The following NMRAL1 variants were observed in gnomAD, a reference collection of about 807,000 sequenced individuals.
NMRAL1 encodes NmrA like redox sensor 1.
Under a neutral mutation model 27.5 loss-of-function variants are expected in NMRAL1, and 32 were observed. The ratio of observed to expected loss-of-function variants is 1.16; its 90% CI spans 0.88 to 1.56. The LOEUF (loss-of-function observed/expected upper bound fraction) is 1.56, where lower values mean the gene tolerates loss of function less well. NMRAL1 is among the 40% of genes most tolerant of loss of function. NMRAL1 has a pLI of 0.00. For missense variants in NMRAL1, 420 were observed against 392.0 expected (o/e 1.07, Z -0.60); for synonymous variants, 166 against 166.8 (o/e 1.00, Z 0.04).
At chr16:4,464,212 G>T (rs2057227157) in intron 4 of NMRAL1, 1 of 298,800 alleles carries the variant, frequency 3.3e-6, no homozygotes, top group Non-Finnish European at 6.2e-6. Context: ...AGAGAGTGTG[G>T]CTGGAGCCCA....
At chr16:4,468,973 T>TAAAAA (rs34547583) in intron 3 of NMRAL1, among the ~76,000 whole-genome samples, 2 of 144,620 alleles carry the variant, frequency 1.4e-5, no homozygotes, top group African/African-American at 2.6e-5. Flanking sequence ...CATTTTTGAT[T>TAAAAA]AAAAAAAAAA....
rs1457284378 is a variant in NMRAL1, at chr16:4,466,389, G to A, written c.293C>T (p.Ala98Val). ...EQEVKQGKLL[A>V]DLARRLGLHY... is the part of the protein sequence containing the mutation. ...GAGGCCCAGGCGCCTGGCCAGATCA[G>A]CGAGCAGCTTCCCCTGGAGGGCAGG... The change falls in exon 4 of 6, where the codon GCT becomes GTT. Residue 98 changes from alanine (A) to valine (V), a missense_variant. Physicochemically the swap from Ala to Val is moderately conservative, Grantham distance 64. Coordinates refer to ENST00000283429, the MANE Select transcript of NMRAL1 (RefSeq NM_020677.6). 6.8e-6 allele frequency: 11 copies of A among 1,612,232 alleles called. No homozygotes were observed. The highest frequency in any genetic ancestry group is 9.3e-6 in the Non-Finnish European group (11 of 1,179,728).
At chr16:4,468,994 A>C (rs1334232525) in intron 3 of NMRAL1, among the ~76,000 whole-genome samples, 2 of 151,454 alleles carry the variant, frequency 1.3e-5, no homozygotes, top group Non-Finnish European at 1.5e-5. Flanking sequence ...AAAACAAACG[A>C]ACAGGCCAGG....
In NMRAL1 at chr16:4,463,684, G is replaced by C. The variant is rs1224677997; in HGVS notation, c.696C>G (p.Thr232=). 1 of 1,613,828 alleles carries C rather than the reference G, an allele frequency of 6.2e-7. No individual in the cohort carries two copies. The highest frequency in any genetic ancestry group is 8.5e-7 in the Non-Finnish European group (1 of 1,180,034). Residue 232 remains threonine, a synonymous_variant, in exon 5 of 6, where the codon ACC becomes ACG. Transcript: ENST00000283429. Reference sequence around the variant, plus strand: ...CCTTGGCATCGTGCACGACCTTGCGGGTGTGCTTGGTGAGCAGGGCAGCGT... The same window carrying C: ...CCTTGGCATCGTGCACGACCTTGCGCGTGTGCTTGGTGAGCAGGGCAGCGT... ...EEYAALLTKH[T]RKVVHDAKMT...
At chr16:4,467,732 G>A (rs964241616) in intron 3 of NMRAL1, among the ~76,000 whole-genome samples, 1 of 151,504 alleles carries the variant, frequency 6.6e-6, no homozygotes, top group African/African-American at 2.4e-5. Flanking sequence ...CAATTCTCCT[G>A]CCTCAGCCTC....
At chr16:4,474,214 G>A in intron 1 of NMRAL1, 48 bp from the exon 2 acceptor site, 3 of 1,428,622 alleles carry the variant, frequency 2.1e-6, no homozygotes, top group South Asian at 2.4e-5. Context: ...CGGGGTTCCC[G>A]CCAGGAGCGA....
At position 4,466,318 on chromosome 16, in the gene NMRAL1, C is replaced by T. The variant is rs749832167; in HGVS notation, c.364G>A (p.Ala122Thr). The T allele has an allele frequency of 2.2e-5, 36 of 1,613,874 alleles. No homozygotes were observed. The highest frequency in any genetic ancestry group is 1.6e-4 in the South Asian group (15 of 91,078). Residue 122 changes from alanine to threonine, a missense_variant, in exon 4 of 6, where the codon GCA (alanine) becomes ACA (threonine). Transcript: ENST00000283429. ...SGLENIKKLT[A>T]GRLAAAHFDG... is the part of the protein sequence containing the mutation. ...AAGTGCGCGGCGGCCAATCTCCCTGCCGTCAGCTTCTTGATGTTCTCCAGG... is the reference window on the plus strand; with the variant it reads ...AAGTGCGCGGCGGCCAATCTCCCTGTCGTCAGCTTCTTGATGTTCTCCAGG...
chr16:4,476,248 G>T, upstream of NMRAL1: 1 of 152,438 alleles, frequency 6.6e-6, no homozygotes, highest in Non-Finnish European at 1.5e-5. Context: ...CCGCTGAGCA[G>T]AGCCTGAGCC....
At position 4,463,749 on chromosome 16, in the gene NMRAL1, T is replaced by G; in HGVS notation, c.631A>C (p.Asn211His). The G allele has an allele frequency of 6.2e-7, 1 of 1,614,096 alleles. No homozygotes were observed. Among genetic ancestry groups the G allele is most frequent in the Non-Finnish European group, 8.5e-7 (1 of 1,180,014 alleles). Residue 211 changes from asparagine to histidine, a missense_variant, in exon 5 of 6, where the codon AAC becomes CAC. Asn to His is a moderately conservative substitution (Grantham distance 68). Coordinates refer to ENST00000283429, the MANE Select transcript of NMRAL1 (RefSeq NM_020677.6). ...LKMPEKYVGQ[N>H]IGLSTCRHTA... The stretch of plus-strand genomic sequence containing the variant: ...TGCCTGCAAGTGCTCAGCCCGATGT[T>G]CTGGCCGACGTATTTTTCTGGCATC...
chr16:4,475,134 G>C (rs1187849050), upstream of NMRAL1, among the ~76,000 whole-genome samples: 3 of 150,638 alleles, frequency 2.0e-5, no homozygotes, highest in Non-Finnish European at 4.4e-5. Context: ...GTATTTTTTA[G>C]TAGAGACGGG....
chr16:4,462,782 C>G (rs2057156438), intron 5 of NMRAL1, among the ~76,000 whole-genome samples: 1 of 152,016 alleles, frequency 6.6e-6, no homozygotes, highest in Non-Finnish European at 1.5e-5. Flanking sequence ...CTCAGCCTCC[C>G]AAAGTGCTAG....
chr16:4,465,496 T>C (rs779744848), intron 4 of NMRAL1, among the ~76,000 whole-genome samples: 2 of 152,246 alleles, frequency 1.3e-5, no homozygotes, highest in African/African-American at 4.8e-5. Context: ...CTTTCCTAGT[T>C]TGTGAAATCT....
At position 4,474,076 on chromosome 16, in the gene NMRAL1, T is replaced by G. The variant is rs1420664682; in HGVS notation, c.40+17A>C. 4 of 1,607,662 alleles carry G rather than the reference T, an allele frequency of 2.5e-6. No homozygotes were observed. The highest frequency in any genetic ancestry group is 4.5e-5 in the East Asian group (2 of 44,824). The stretch of plus-strand genomic sequence containing the variant: ...CGCCCTGGCTCTGCAAGGGCCCCAG[T>G]CTGGGGTTTGGCTCACCTGTGCCTC... On this transcript the variant is annotated intron_variant, in intron 2 of 5. Coordinates refer to ENST00000283429, the MANE Select transcript of NMRAL1 (RefSeq NM_020677.6).
At chr16:4,468,783 G>A (rs533210704) in intron 3 of NMRAL1, among the ~76,000 whole-genome samples, 35 of 152,154 alleles carry the variant, frequency 2.3e-4, no homozygotes, top group African/African-American at 8.2e-4. Flanking sequence ...TGGGAACCAC[G>A]GGAGGGAGGG....
chr16:4,464,809 G>C (rs749145890), intron 4 of NMRAL1, among the ~76,000 whole-genome samples: 3 of 151,696 alleles, frequency 2.0e-5, no homozygotes, highest in Admixed American at 6.6e-5. Context: ...AGAGACAGGG[G>C]TTTCACCAAG....
chr16:4,474,079 G>C lies in NMRAL1; in HGVS notation c.40+14C>G. The C allele has an allele frequency of 2.5e-6, 4 of 1,608,830 alleles. No homozygotes were observed. In the South Asian group the frequency reaches 4.4e-5, roughly 18 times the overall value. On this transcript the variant is annotated intron_variant, in intron 2 of 5. Coordinates refer to ENST00000283429, the MANE Select transcript of NMRAL1 (RefSeq NM_020677.6). The stretch of plus-strand genomic sequence containing the variant: ...CCTGGCTCTGCAAGGGCCCCAGTCT[G>C]GGGTTTGGCTCACCTGTGCCTCCGA...
intron 2 of NMRAL1, among the ~76,000 whole-genome samples, chr16:4,470,999 T>C (rs1332279347): frequency 1.3e-5 from 2 of 149,734 alleles, no homozygotes; most frequent in Non-Finnish European, 3.0e-5. Context: ...CCCAGCTACT[T>C]GGGAGGCTGA....
intron 2 of NMRAL1, among the ~76,000 whole-genome samples, chr16:4,470,803 C>T (rs370357099): frequency 3.0e-4 from 46 of 151,494 alleles, no homozygotes; most frequent in African/African-American, 1.0e-3. Context: ...AAAACTTAGC[C>T]GGGCGTGGTG....
At chr16:4,470,161 CAA>C (rs34104543) in intron 2 of NMRAL1, among the ~76,000 whole-genome samples, 3 of 51,470 alleles carry the variant, frequency 5.8e-5, no homozygotes, top group South Asian at 1.2e-3. Context: ...GATTCCCTCT[CAA>C]AAAAAAAAAA....
Sources: allele counts gnomAD v4.1 joint callset (sites outside exome capture counted in the v4.1 genomes callset), GRCh38; gene constraint gnomAD v4.1.1; transcripts MANE v1.5; gene names NCBI Gene and HGNC (gene_info 2026-07-23, HGNC 2026-07-21).